FGF2: variants seen among roughly 807,000 people sequenced by gnomAD.
FGF2 encodes fibroblast growth factor 2, also known as basic fibroblast growth factor bFGF.
In FGF2, 13 loss-of-function variants were observed where a neutral mutation model predicts 15.9. The observed-to-expected ratio is 0.82, with a 90% confidence interval of 0.53 to 1.30. The LOEUF (loss-of-function observed/expected upper bound fraction) is 1.30. Ranked by LOEUF, FGF2 falls within the 50% of genes most tolerant of loss-of-function variation. FGF2 has a pLI of 0.00. For missense variants in FGF2, 163 were observed against 196.9 expected, an observed-to-expected ratio of 0.83 and a Z score of 1.03; for synonymous variants, 90 against 78.4, an observed-to-expected ratio of 1.15 and a Z score of -0.78.
At chr4:122,876,715 T>A (rs1039469848) in intron 2 of FGF2, among the ~76,000 whole-genome samples, 5 of 152,132 alleles carry the variant, frequency 3.3e-5, no homozygotes, top group Non-Finnish European at 5.9e-5. Flanking sequence ...AGCTATAATT[T>A]AAAAAAAATT....
intron 2 of FGF2, among the ~76,000 whole-genome samples, chr4:122,887,123 G>T (rs1216890742): frequency 1.3e-5 from 2 of 152,148 alleles, no homozygotes; most frequent in East Asian, 3.9e-4. Flanking sequence ...AGACCAGCCT[G>T]ACCAACATGG....
rs1353746482 is a variant in FGF2, at chr4:122,826,852, C to A, written c.-323C>A. On this transcript the variant is annotated 5_prime_UTR_variant, in exon 1 of 3. Transcript: ENST00000644866. ...GGGTGCCAGATTAGCGGACGCGGTG[C>A]CCGCGGTTGCAACGGGATCCCGGGC... 7.3e-6 allele frequency: 11 copies of A among 1,499,372 alleles called. No individual in the cohort carries two copies. The highest frequency in any genetic ancestry group is 8.9e-6 in the Non-Finnish European group (10 of 1,122,092). 92.9% of individuals were successfully genotyped at this position (1,499,372 alleles called of 1,614,324 possible).
At position 122,893,539 on chromosome 4, in the gene FGF2, T is replaced by C. The variant is rs1727254566; in HGVS notation, c.*1143T>C. On this transcript the variant is annotated 3_prime_UTR_variant, in exon 3 of 3. Coordinates refer to ENST00000644866, the MANE Select transcript of FGF2 (RefSeq NM_001361665.2). ...CTCTTTTTCCCAAAAGGTAAAAATA[T>C]AGATTGAAAAGTTAAAACATTTTGC... The C allele has an allele frequency of 4.5e-6, 1 of 221,438 alleles. No individual in the cohort carries two copies. Among genetic ancestry groups the C allele is most frequent in the African/African-American group, 2.3e-5 (1 of 44,004 alleles). The allele number at this position is 221,438 out of a possible 1,614,324, so 13.7% of individuals were successfully genotyped here.
intron 1 of FGF2, among the ~76,000 whole-genome samples, chr4:122,830,193 A>G (rs551160172): frequency 6.6e-6 from 1 of 152,326 alleles, no homozygotes; most frequent in East Asian, 1.9e-4. Context: ...TATGGATTAA[A>G]TTGTGAGTGC....
At chr4:122,879,814 T>A (rs1726925899) in intron 2 of FGF2, among the ~76,000 whole-genome samples, 1 of 152,182 alleles carries the variant, frequency 6.6e-6, no homozygotes. Flanking sequence ...TGAGACTTAC[T>A]ATCACAAGAA....
At chr4:122,859,660 A>ACACACACACACG (rs749164012) in intron 1 of FGF2, among the ~76,000 whole-genome samples, 4,093 of 152,082 alleles carry the variant, frequency 0.027, 197 homozygotes, top group African/African-American at 0.093. Context: ...ATATACACAC[A>ACACACACACACG]CACACACACA....
rs369455480 is a variant in FGF2 at position 122,849,140 on chromosome 4, G to A, written c.178+21788G>A. Among the ~76,000 whole-genome samples, 129 of 152,254 alleles carry A rather than the reference G, an allele frequency of 8.5e-4. 1 individual carries two copies. In the Middle Eastern group the frequency reaches 0.027, roughly 32 times the overall value. On this transcript the variant is annotated intron_variant, in intron 1 of 2. Transcript: ENST00000644866. Reference sequence around the variant, plus strand: ...AAATACATAGACATTTTAACATGCAGCAAAACAATAAAATCTCTTTGGTGG... The same window carrying A: ...AAATACATAGACATTTTAACATGCAACAAAACAATAAAATCTCTTTGGTGG...
rs558617511 is a variant in FGF2, at chr4:122,829,420, A to G, written c.178+2068A>G. Among the ~76,000 whole-genome samples the G allele has an allele frequency of 2.2e-3, 336 of 152,236 alleles. 4 individuals carry two copies. Among genetic ancestry groups the G allele is most frequent in the South Asian group, 0.014 (67 of 4,808 alleles). On this transcript the variant is annotated intron_variant, in intron 1 of 2. Transcript: ENST00000644866. ...AATACACATTATAATACCCTCAACA[A>G]AAACATTTTTGACCCCAAATGTCAC...
rs1482171466 is a variant in FGF2 at position 122,872,788 on chromosome 4, G to A, written c.179-3533G>A. On this transcript the variant is annotated intron_variant, in intron 1 of 2. Transcript: ENST00000644866. ...TCCAGCCACACTAACCTTCAAAAGC[G>A]AAGGAGAAATAAAATCCTTTCCAGA... is the stretch of plus-strand genomic sequence containing the variant. 3.9e-5 allele frequency among the ~76,000 whole-genome samples: 6 copies of A among 152,116 alleles called. No individual in the cohort carries two copies. In the South Asian group the frequency reaches 1.0e-3, roughly 26 times the overall value.
intron 1 of FGF2, among the ~76,000 whole-genome samples, chr4:122,866,165 C>G (rs4356923): frequency 1.9e-3 from 296 of 152,070 alleles, no homozygotes; most frequent in African/African-American, 5.8e-3. Flanking sequence ...GTCAGGAGAT[C>G]GAGACCATCC....
chr4:122,831,781 A>G (rs940576970), intron 1 of FGF2, among the ~76,000 whole-genome samples: 4 of 152,180 alleles, frequency 2.6e-5, no homozygotes, highest in African/African-American at 9.7e-5. Context: ...AATGACCGTT[A>G]TGTAATTAGA....
intron 1 of FGF2, among the ~76,000 whole-genome samples, chr4:122,874,646 A>T (rs181584685): frequency 1.8e-3 from 276 of 152,250 alleles, no homozygotes; most frequent in African/African-American, 6.3e-3. Flanking sequence ...TCTATTATTT[A>T]AAATAATATA....
chr4:122,882,159 G>A (rs1726971971), intron 2 of FGF2: 1 of 152,148 alleles, frequency 6.6e-6, no homozygotes, highest in Admixed American at 6.5e-5. Context: ...GATTTGGGTG[G>A]GGGCACAGCC....
intron 1 of FGF2, among the ~76,000 whole-genome samples, chr4:122,837,586 A>G (rs1434673318): frequency 6.6e-6 from 1 of 151,924 alleles, no homozygotes; most frequent in Non-Finnish European, 1.5e-5. Context: ...TTATTCTACC[A>G]AGTGTCATTT....
At chr4:122,861,322 A>C (rs1008644833) in intron 1 of FGF2, among the ~76,000 whole-genome samples, 1 of 152,160 alleles carries the variant, frequency 6.6e-6, no homozygotes, top group African/African-American at 2.4e-5. Flanking sequence ...TCTCTGTCTG[A>C]ATTTTCCACA....
chr4:122,876,706 G>C (rs1282084057), intron 2 of FGF2, among the ~76,000 whole-genome samples: 1 of 152,060 alleles, frequency 6.6e-6, no homozygotes, highest in Non-Finnish European at 1.5e-5. Context: ...AAACTATTAA[G>C]CTATAATTTA....
rs1386759405 is a variant in FGF2, at chr4:122,896,754, C to G, written c.*4358C>G. 2 of 152,000 alleles carry G rather than the reference C, an allele frequency of 1.3e-5. No homozygotes were observed. Among genetic ancestry groups the G allele is most frequent in the Non-Finnish European group, 2.9e-5 (2 of 67,984 alleles). 9.4% of individuals were successfully genotyped at this position (152,000 alleles called of 1,614,324 possible). ...TTGTGTAAAAGTTTTAAAAATCAAG[C>G]TTTAAGTACATGGACATTTTTAAAT... On this transcript the variant is annotated 3_prime_UTR_variant, in exon 3 of 3. Coordinates refer to ENST00000644866, the MANE Select transcript of FGF2 (RefSeq NM_001361665.2).
rs1445580472 is a variant in FGF2, at chr4:122,893,927, T to C, written c.*1531T>C. On this transcript the variant is annotated 3_prime_UTR_variant, in exon 3 of 3. Transcript: ENST00000644866. Reference sequence around the variant, plus strand: ...ACCACTTTGCTGGAAAGCTTCACAATTGTCACAGACAAAGATTTTTGTTCC... The same window carrying C: ...ACCACTTTGCTGGAAAGCTTCACAACTGTCACAGACAAAGATTTTTGTTCC... 6.6e-6 allele frequency: 1 copy of C among 152,228 alleles called. No homozygotes were observed. Among genetic ancestry groups the C allele is most frequent in the Non-Finnish European group, 1.5e-5 (1 of 68,024 alleles). The allele number at this position is 152,228 out of a possible 1,614,324, so 9.4% of individuals were successfully genotyped here.
chr4:122,876,420 C>T lies in FGF2; in HGVS notation c.278C>T (p.Ala93Val). 1 of 1,591,546 alleles carries T rather than the reference C, an allele frequency of 6.3e-7. No individual in the cohort carries two copies. The highest frequency in any genetic ancestry group is 8.6e-7 in the Non-Finnish European group (1 of 1,159,494). ...ATGAAGGAAGATGGAAGATTACTGG[C>T]TTCTGTAAGCATACTTTCTGTTTTC... ...LAMKEDGRLL[A>V]SKCVTDECFF... The change falls in exon 2 of 3, where the codon GCT becomes GTT. Residue 93 changes from alanine (A) to valine (V), a missense_variant. Physicochemically the swap from Ala to Val is moderately conservative, Grantham distance 64. Coordinates refer to ENST00000644866, the MANE Select transcript of FGF2 (RefSeq NM_001361665.2).
Sources: allele counts gnomAD v4.1 joint callset (sites outside exome capture counted in the v4.1 genomes callset), GRCh38; gene constraint gnomAD v4.1.1; transcripts MANE v1.5; gene names NCBI Gene and HGNC (gene_info 2026-07-23, HGNC 2026-07-21).